The following VSNL1 variants were observed in gnomAD, a reference collection of about 807,000 sequenced individuals.
The protein encoded by VSNL1 is visinin-like protein 1.
Under a neutral mutation model 20.4 loss-of-function variants are expected in VSNL1, and 6 were observed. The observed-to-expected ratio is 0.29, with a 90% CI of 0.16 to 0.58. The LOEUF (loss-of-function observed/expected upper bound fraction) is 0.58. VSNL1 is among the 20% of genes least tolerant of loss of function. The pLI is 0.90. For synonymous variants in VSNL1, 93 were observed against 86.4 expected (o/e 1.08, Z -0.42); for missense variants, 100 against 234.5 (o/e 0.43, Z 3.75).
chr2:17,542,157 G>T (rs1335804177), intron 1 of VSNL1, among the ~76,000 whole-genome samples: 1 of 152,204 alleles, frequency 6.6e-6, no homozygotes, highest in South Asian at 2.1e-4. Context: ...TGAAACTCTT[G>T]TGAAAACACA....
chr2:17,615,777 G>A (rs1665202729), intron 2 of VSNL1, among the ~76,000 whole-genome samples: 1 of 152,176 alleles, frequency 6.6e-6, no homozygotes, highest in Non-Finnish European at 1.5e-5. Context: ...ATAGGGAAAA[G>A]GTTCCAGCTG....
Position 17,567,444 on chromosome 2 carries a change from C to T in VSNL1, c.-5-24626C>T, listed in dbSNP as rs1405148410. ...CGCGATCTCGGCCCCCTGCAAGCTC[C>T]GCCTCCCGAGTTCACTCCATTCTCC... On this transcript the variant is annotated intron_variant, in intron 1 of 3. Coordinates refer to ENST00000295156, the MANE Select transcript of VSNL1 (RefSeq NM_003385.5). 6 of 148,292 alleles carry T rather than the reference C, an allele frequency of 4.0e-5. No individual in the cohort carries two copies. In the East Asian group the frequency reaches 1.2e-3, roughly 30 times the overall value. 9.2% of individuals were successfully genotyped at this position (148,292 alleles called of 1,614,324 possible).
At chr2:17,562,167 C>T (rs929551138) in intron 1 of VSNL1, among the ~76,000 whole-genome samples, 7 of 151,852 alleles carry the variant, frequency 4.6e-5, no homozygotes, top group Admixed American at 6.6e-5. Flanking sequence ...AGTAGTTGAT[C>T]GAAAGAACAC....
Position 17,552,199 on chromosome 2 carries a change from C to CAAAAA in VSNL1, c.-6+11290_-6+11294dup, listed in dbSNP as rs34120285. 4.2e-3 allele frequency among the ~76,000 whole-genome samples: 506 copies of CAAAAA among 120,686 alleles called. 4 individuals carry two copies. The highest frequency in any genetic ancestry group is 0.021 in the Middle Eastern group (5 of 242). The allele number at this position is 120,686 out of a possible 152,430, so 79.2% of individuals were successfully genotyped here. On this transcript the variant is annotated intron_variant, in intron 1 of 3. Coordinates refer to ENST00000295156, the MANE Select transcript of VSNL1 (RefSeq NM_003385.5). The stretch of plus-strand genomic sequence containing the variant: ...TGGGCGACAGAGCGAGATTCCATCT[C>CAAAAA]AAAAAAAAAAAAACAAAAAAAAACT...
chr2:17,622,950 G>T (rs890711900), intron 2 of VSNL1, among the ~76,000 whole-genome samples: 1 of 152,016 alleles, frequency 6.6e-6, no homozygotes, highest in South Asian at 2.1e-4. Context: ...ACCACCCTGG[G>T]CAGGTTCCCT....
At chr2:17,639,617 C>T (rs1360521711) in intron 2 of VSNL1, among the ~76,000 whole-genome samples, 3 of 152,180 alleles carry the variant, frequency 2.0e-5, no homozygotes, top group East Asian at 1.9e-4. Context: ...CCTTAGTTTT[C>T]GTATTATTGG....
At chr2:17,552,032 C>A (rs1184562469) in intron 1 of VSNL1, among the ~76,000 whole-genome samples, 2 of 110,520 alleles carry the variant, frequency 1.8e-5, no homozygotes, top group Non-Finnish European at 4.2e-5. Flanking sequence ...CCCCGTCTCT[C>A]CTAAAAAATA....
chr2:17,613,573 A>G (rs1314751718), intron 2 of VSNL1, among the ~76,000 whole-genome samples: 2 of 152,134 alleles, frequency 1.3e-5, no homozygotes, highest in African/African-American at 4.8e-5. Context: ...AGAGCTAAAT[A>G]ATCTCTAAGG....
At chr2:17,566,327 G>A (rs1350149277) in intron 1 of VSNL1, among the ~76,000 whole-genome samples, 2 of 152,000 alleles carry the variant, frequency 1.3e-5, no homozygotes, top group Non-Finnish European at 2.9e-5. Flanking sequence ...CTGCCAAATT[G>A]TTCTCTACAG....
chr2:17,570,041 A>G (rs1184045889), intron 1 of VSNL1, among the ~76,000 whole-genome samples: 1 of 152,238 alleles, frequency 6.6e-6, no homozygotes, highest in Non-Finnish European at 1.5e-5. Flanking sequence ...TATACCTGGC[A>G]TAATGTAAAG....
At chr2:17,648,231 A>G (rs949286678) in intron 2 of VSNL1, among the ~76,000 whole-genome samples, 1 of 152,140 alleles carries the variant, frequency 6.6e-6, no homozygotes, top group African/African-American at 2.4e-5. Flanking sequence ...GTTAAAGCAT[A>G]TCTTATGTCT....
chr2:17,582,363 T>G (rs1664368858), intron 1 of VSNL1, among the ~76,000 whole-genome samples: 1 of 151,998 alleles, frequency 6.6e-6, no homozygotes, highest in African/African-American at 2.4e-5. Context: ...GGCAGTGACA[T>G]GATTGGGTTT....
At chr2:17,603,958 T>G (rs1051356818) in intron 2 of VSNL1, among the ~76,000 whole-genome samples, 9 of 152,312 alleles carry the variant, frequency 5.9e-5, no homozygotes, top group African/African-American at 2.2e-4. Flanking sequence ...GTCTGTACCT[T>G]GTGTGTACAG....
intron 2 of VSNL1, 30 bp downstream of exon 2, chr2:17,592,266 C>A: frequency 6.2e-7 from 1 of 1,609,222 alleles, no homozygotes. Flanking sequence ...TGTTTTTATT[C>A]CTTAGGCCAG....
intron 2 of VSNL1, among the ~76,000 whole-genome samples, chr2:17,628,561 G>C (rs1011108445): frequency 5.9e-5 from 9 of 152,188 alleles, no homozygotes; most frequent in Non-Finnish European, 8.8e-5. Flanking sequence ...TTGTACCAGG[G>C]AGAAAGATTT....
chr2:17,597,032 C>T (rs1396600617), intron 2 of VSNL1, among the ~76,000 whole-genome samples: 1 of 152,164 alleles, frequency 6.6e-6, no homozygotes, highest in Non-Finnish European at 1.5e-5. Context: ...ATGGCAGCAC[C>T]AAATGGTGCA....
rs921035853 is a variant in VSNL1, at chr2:17,580,973, T to G, written c.-5-11097T>G. ...CCAGCAGTTATAATCACTGTTAAGA[T>G]TTTGATATAAATTATGAACTGACCA... On this transcript the variant is annotated intron_variant, in intron 1 of 3. Transcript: ENST00000295156. 8.8e-4 allele frequency among the ~76,000 whole-genome samples: 134 copies of G among 152,210 alleles called. 1 individual carries two copies. Among genetic ancestry groups the G allele is most frequent in the African/African-American group, 3.0e-3 (125 of 41,454 alleles).
At chr2:17,632,689 G>T (rs1665664350) in intron 2 of VSNL1, among the ~76,000 whole-genome samples, 1 of 152,242 alleles carries the variant, frequency 6.6e-6, no homozygotes, top group Non-Finnish European at 1.5e-5. Flanking sequence ...CTTCGTAAAT[G>T]TGTACTATCT....
chr2:17,571,234 C>T (rs1254914112), intron 1 of VSNL1, among the ~76,000 whole-genome samples: 1 of 152,176 alleles, frequency 6.6e-6, no homozygotes, highest in Non-Finnish European at 1.5e-5. Context: ...TAACCCTCAA[C>T]CACACTTTCC....
Sources: gnomAD v4.1 joint callset for allele counts (sites outside exome capture counted in the v4.1 genomes callset) on GRCh38, gnomAD v4.1.1 for gene constraint, MANE v1.5 for transcripts, NCBI Gene and HGNC (gene_info 2026-07-23, HGNC 2026-07-21) for gene names.